Variants in ZNF16 observed in about 807,000 individuals in gnomAD.
ZNF16 encodes the protein zinc finger protein KOX9.
A neutral mutation model predicts 9.0 loss-of-function variants in ZNF16; 7 were observed. The ratio of observed to expected loss-of-function variants is 0.78; its 90% confidence interval spans 0.44 to 1.47. ZNF16 has a LOEUF of 1.47. Ranked by LOEUF, ZNF16 falls within the 40% of genes most tolerant of loss-of-function variation. ZNF16 has a pLI of 0.01. For synonymous variants in ZNF16, 312 were observed against 301.5 expected (o/e 1.03, Z -0.36); for missense variants, 830 against 854.2 (o/e 0.97, Z 0.35).
At chr8:144,950,556 C>A (rs1834087089) in intron 1 of ZNF16, 2 of 152,256 alleles carry the variant, frequency 1.3e-5, no homozygotes, top group Admixed American at 1.3e-4. Flanking sequence ...CCCGGGGTCT[C>A]CCCGGAGACC....
At chr8:144,950,036 T>C (rs1471648105) in intron 1 of ZNF16, among the ~76,000 whole-genome samples, 1 of 152,208 alleles carries the variant, frequency 6.6e-6, no homozygotes, top group Non-Finnish European at 1.5e-5. Context: ...AACTGCCCTA[T>C]GGTGAGAGGT....
chr8:144,938,064 G>C (rs1414549016), intron 2 of ZNF16, among the ~76,000 whole-genome samples: 1 of 152,196 alleles, frequency 6.6e-6, no homozygotes, highest in East Asian at 1.9e-4. Context: ...TGGTACCCTT[G>C]TTGAAAATCC....
At chr8:144,944,163 T>G (rs1833871903) in intron 2 of ZNF16, 2 of 151,822 alleles carry the variant, frequency 1.3e-5, no homozygotes, top group Admixed American at 1.3e-4. Flanking sequence ...CTCCGCCTCC[T>G]GGGTTCATGC....
At position 144,932,182 on chromosome 8, in the gene ZNF16, A is replaced by G; in HGVS notation, c.605T>C (p.Val202Ala). The G allele has an allele frequency of 6.2e-7, 1 of 1,613,468 alleles. No homozygotes were observed. Among genetic ancestry groups the G allele is most frequent in the African/African-American group, 1.3e-5 (1 of 74,778 alleles). Residue 202 changes from valine to alanine, a missense_variant, in exon 3 of 3, where the codon GTT becomes GCT. Transcript: ENST00000394909. The surrounding 1 kb of genome is among the most constrained non-coding windows in gnomAD (Gnocchi z 5.0). ...HSVDLTGHEG[V>A]PTAESPLICN... is the part of the protein sequence containing the mutation. Reference sequence around the variant, plus strand: ...TATGAGTGGACTTTCAGCTGTGGGAACCCCCTCATGACCAGTTAGGTCCAC... The same window carrying G: ...TATGAGTGGACTTTCAGCTGTGGGAGCCCCCTCATGACCAGTTAGGTCCAC...
At chr8:144,946,330 C>T in intron 1 of ZNF16, 115 bp from the exon 2 acceptor site, 3 of 1,007,852 alleles carry the variant, frequency 3.0e-6, no homozygotes, top group South Asian at 2.7e-5. Flanking sequence ...CTGAAGAGGG[C>T]CTGGTGCTGC....
In ZNF16 at chr8:144,933,718, C is replaced by T. The variant is rs144821703; in HGVS notation, c.197-1128G>A. ...CCTAGACCCCACCTCTACCTCTGCT[C>T]CTGCTATACTCTGAGCAGGGCAGAT... On this transcript the variant is annotated intron_variant, in intron 2 of 2. Transcript: ENST00000394909. This position sits in a 1 kb window ranked among gnomAD's most constrained non-coding sequence, Gnocchi z 5.6. 2.5e-3 allele frequency among the ~76,000 whole-genome samples: 377 copies of T among 152,304 alleles called. 1 individual carries two copies. Among genetic ancestry groups the T allele is most frequent in the African/African-American group, 7.4e-3 (306 of 41,564 alleles).
chr8:144,937,656 G>A (rs1267043177), intron 2 of ZNF16, among the ~76,000 whole-genome samples: 1 of 151,998 alleles, frequency 6.6e-6, no homozygotes, highest in Non-Finnish European at 1.5e-5. Flanking sequence ...GTTAATTTTT[G>A]TATATGGCAT....
chr8:144,934,020 G>A (rs761143947), intron 2 of ZNF16, among the ~76,000 whole-genome samples: 5 of 152,272 alleles, frequency 3.3e-5, no homozygotes, highest in East Asian at 3.9e-4. Context: ...CCCACCTTGC[G>A]GCGTCCACTC....
At chr8:144,936,786 G>C (rs1041538781) in intron 2 of ZNF16, among the ~76,000 whole-genome samples, 72 of 152,042 alleles carry the variant, frequency 4.7e-4, no homozygotes, top group African/African-American at 1.6e-3. Context: ...GAGTGCAGTG[G>C]CATGATCTCG....
chr8:144,950,095 A>G (rs778865168), intron 1 of ZNF16, among the ~76,000 whole-genome samples: 14 of 152,186 alleles, frequency 9.2e-5, no homozygotes, highest in Non-Finnish European at 1.8e-4. Flanking sequence ...CTCCACTGAG[A>G]TGTTTGGGTG....
In ZNF16 at chr8:144,930,665, G is replaced by A. The variant is rs926899296; in HGVS notation, c.*73C>T. Reference sequence around the variant, plus strand: ...CAGGCTTTCGGTCTGGGAAGTGGCAGAGGCTGAGACAATGGCCAAAGAGGA... The same window carrying A: ...CAGGCTTTCGGTCTGGGAAGTGGCAAAGGCTGAGACAATGGCCAAAGAGGA... On this transcript the variant is annotated 3_prime_UTR_variant, in exon 3 of 3. Coordinates refer to ENST00000394909, the MANE Select transcript of ZNF16 (RefSeq NM_006958.3). 9.4e-6 allele frequency: 14 copies of A among 1,484,192 alleles called. No individual in the cohort carries two copies. In the African/African-American group the frequency reaches 1.7e-4, roughly 18 times the overall value. 91.9% of individuals were successfully genotyped at this position (1,484,192 alleles called of 1,614,324 possible).
intron 1 of ZNF16, 105 bp from the exon 2 acceptor site, chr8:144,946,320 C>A: frequency 8.9e-7 from 1 of 1,126,288 alleles, no homozygotes. Context: ...AGCCCAAGAC[C>A]TGAAGAGGGC....
At chr8:144,945,122 CTTTT>C (rs58690759) in intron 2 of ZNF16, 1 of 144,496 alleles carries the variant, frequency 6.9e-6, no homozygotes, top group Non-Finnish European at 1.5e-5. Flanking sequence ...TATATAGGTG[CTTTT>C]TTTTTTTTCA....
Position 144,931,007 on chromosome 8 carries a change from C to T in ZNF16, c.1780G>A (p.Val594Ile), listed in dbSNP as rs139257758. Residue 594 changes from valine (V) to isoleucine (I), a missense_variant, in exon 3 of 3, where the codon GTT becomes ATT. Val to Ile is a conservative substitution (Grantham distance 29). Transcript: ENST00000394909. ...GTGTAGGGTTTTTCCCCAGTATGAACTTTCTGGTGGTGAATGAGATTTGAG... is the reference window on the plus strand; with the variant it reads ...GTGTAGGGTTTTTCCCCAGTATGAATTTTCTGGTGGTGAATGAGATTTGAG... The part of the protein sequence containing the change: ...RSSNLIHHQK[V>I]HTGEKPYTCV... 10 of 1,614,082 alleles carry T rather than the reference C, an allele frequency of 6.2e-6. No individual in the cohort carries two copies. The highest frequency in any genetic ancestry group is 8.5e-6 in the Non-Finnish European group (10 of 1,180,048).
rs201826152 is a variant in ZNF16 at position 144,931,037 on chromosome 8, G to T, written c.1750C>A (p.Arg584=). Residue 584 remains arginine (R), a synonymous_variant, in exon 3 of 3, where the codon CGA becomes AGA. Transcript: ENST00000394909. ...ECNQCGKAFN[R]SSNLIHHQKV... ...TGGTGGTGAATGAGATTTGAGCTTC[G>T]GTTGAAGGCTTTACCACACTGGTTA... is the stretch of plus-strand genomic sequence containing the variant. 1 of 1,614,220 alleles carries T rather than the reference G, an allele frequency of 6.2e-7. No individual in the cohort carries two copies. Among genetic ancestry groups the T allele is most frequent in the East Asian group, 2.2e-5 (1 of 44,884 alleles).
intron 2 of ZNF16, among the ~76,000 whole-genome samples, chr8:144,940,890 G>A (rs1254581224): frequency 6.6e-6 from 1 of 152,192 alleles, no homozygotes; most frequent in African/African-American, 2.4e-5. Flanking sequence ...GGCAAGAAAA[G>A]AAGCTAACAA....
At chr8:144,945,821 T>C in intron 2 of ZNF16, 190 bp downstream of exon 2, 2 of 1,158,530 alleles carry the variant, frequency 1.7e-6, no homozygotes, top group Non-Finnish European at 2.3e-6. Flanking sequence ...ATCACAGTTC[T>C]GCTCAAGGTG....
intron 2 of ZNF16, among the ~76,000 whole-genome samples, chr8:144,942,127 A>C (rs541504586): frequency 6.8e-6 from 1 of 147,824 alleles, no homozygotes; most frequent in African/African-American, 2.5e-5. Flanking sequence ...ACAGGTGCCC[A>C]CCACCTTGCC....
At chr8:144,950,016 A>C (rs1341741222) in intron 1 of ZNF16, among the ~76,000 whole-genome samples, 4 of 152,332 alleles carry the variant, frequency 2.6e-5, no homozygotes, top group South Asian at 2.1e-4. Context: ...CAATTCTGAG[A>C]CAGGAGAAAA....
Sources: allele counts gnomAD v4.1 joint callset (sites outside exome capture counted in the v4.1 genomes callset), GRCh38; gene constraint gnomAD v4.1.1; non-coding constraint Gnocchi (gnomAD v3.1); transcripts MANE v1.5; gene names NCBI Gene and HGNC (gene_info 2026-07-23, HGNC 2026-07-21).